The following KCNAB1 variants were observed in gnomAD, a reference collection of about 807,000 sequenced individuals.
KCNAB1 encodes voltage-gated potassium channel subunit beta-1.
KCNAB1 carries 35 observed loss-of-function variants against 64.6 expected under a neutral mutation model. That is an observed-to-expected ratio of 0.54 (90% CI 0.41 to 0.72). KCNAB1 has a LOEUF of 0.72. Among genes scored for constraint, KCNAB1 ranks in the 30% least tolerant of loss-of-function variants. KCNAB1 has a pLI of 0.00. For synonymous variants in KCNAB1, 177 were observed against 183.8 expected, an observed-to-expected ratio of 0.96 and a Z score of 0.30; for missense variants, 401 against 512.9, an observed-to-expected ratio of 0.78 and a Z score of 2.11.
intron 4 of KCNAB1, among the ~76,000 whole-genome samples, chr3:156,458,936 T>C (rs747752900): frequency 1.3e-5 from 2 of 152,224 alleles, no homozygotes; most frequent in African/African-American, 2.4e-5. Flanking sequence ...TAAGACTCAA[T>C]GCTTGTCTCT....
chr3:156,306,746 C>G (rs1005927867), intron 1 of KCNAB1, among the ~76,000 whole-genome samples: 5 of 152,226 alleles, frequency 3.3e-5, no homozygotes, highest in African/African-American at 1.2e-4. Context: ...AGTGGAGAGA[C>G]TGGATCCCCA....
At chr3:156,489,359 G>A (rs1024803433) in intron 8 of KCNAB1, among the ~76,000 whole-genome samples, 5 of 152,018 alleles carry the variant, frequency 3.3e-5, no homozygotes, top group African/African-American at 1.2e-4. Context: ...GAGGAAGAAG[G>A]GATCAACTAT....
At chr3:156,240,867 G>A (rs535690008) in intron 1 of KCNAB1, among the ~76,000 whole-genome samples, 45 of 152,266 alleles carry the variant, frequency 3.0e-4, no homozygotes, top group African/African-American at 1.0e-3. Context: ...AGTGATAAGC[G>A]GAAGAAAAGG....
At chr3:156,302,892 G>T (rs1433569441) in intron 1 of KCNAB1, among the ~76,000 whole-genome samples, 2 of 152,186 alleles carry the variant, frequency 1.3e-5, no homozygotes, top group African/African-American at 2.4e-5. Context: ...TGTAATCAGT[G>T]AGATATGGGA....
intron 1 of KCNAB1, among the ~76,000 whole-genome samples, chr3:156,251,337 C>T (rs976786020): frequency 1.3e-5 from 2 of 152,142 alleles, no homozygotes; most frequent in East Asian, 1.9e-4. Flanking sequence ...GTCCTTATTA[C>T]CAATATGTAA....
At chr3:156,455,173 C>T (rs556666622) in intron 3 of KCNAB1, among the ~76,000 whole-genome samples, 1 of 152,298 alleles carries the variant, frequency 6.6e-6, no homozygotes, top group South Asian at 2.1e-4. Flanking sequence ...AGCAAAAATG[C>T]GGACCAATAG....
At position 156,514,425 on chromosome 3, in the gene KCNAB1, G is replaced by A. The variant is rs375534582; in HGVS notation, c.720G>A (p.Ser240=). ...GCATGGCGATGTACTGGGGCACCTC[G>A]AGATGGAGTGCTATGGAGATCATGG... ...NQGMAMYWGT[S]RWSAMEIMEA... Residue 240 remains serine, a synonymous_variant, in exon 9 of 14, where the codon TCG becomes TCA. Transcript: ENST00000490337. 13 of 1,613,480 alleles carry A rather than the reference G, an allele frequency of 8.1e-6. No individual in the cohort carries two copies. The highest frequency in any genetic ancestry group is 7.7e-5 in the South Asian group (7 of 91,052).
intron 1 of KCNAB1, among the ~76,000 whole-genome samples, chr3:156,221,008 T>C (rs1715693687): frequency 6.6e-6 from 1 of 152,226 alleles, no homozygotes; most frequent in Non-Finnish European, 1.5e-5. Context: ...GTCAGTTTTG[T>C]CAAAGATCAG....
chr3:156,225,424 G>A (rs547291173), intron 1 of KCNAB1, among the ~76,000 whole-genome samples: 12 of 152,172 alleles, frequency 7.9e-5, no homozygotes, highest in African/African-American at 2.9e-4. Context: ...CAAACGTTAA[G>A]GTAATAAAAG....
intron 1 of KCNAB1, among the ~76,000 whole-genome samples, chr3:156,194,676 TC>T (rs1713780308): frequency 6.6e-6 from 1 of 152,112 alleles, no homozygotes; most frequent in African/African-American, 2.4e-5. Flanking sequence ...AATTCCCACG[TC>T]CCCCAGTTTT....
intron 1 of KCNAB1, among the ~76,000 whole-genome samples, chr3:156,405,324 T>A (rs560228141): frequency 6.6e-6 from 1 of 152,234 alleles, no homozygotes; most frequent in Non-Finnish European, 1.5e-5. Context: ...TCTTCCTGAT[T>A]GTTACTGCAG....
intron 1 of KCNAB1, among the ~76,000 whole-genome samples, chr3:156,407,562 T>A (rs1425834267): frequency 6.6e-6 from 1 of 152,238 alleles, no homozygotes; most frequent in Non-Finnish European, 1.5e-5. Flanking sequence ...CATGAATGAA[T>A]AATCAACCTT....
At chr3:156,225,327 C>T (rs1716081537) in intron 1 of KCNAB1, among the ~76,000 whole-genome samples, 1 of 152,084 alleles carries the variant, frequency 6.6e-6, no homozygotes, top group South Asian at 2.1e-4. Flanking sequence ...ATCACATGAC[C>T]TTCTCAATAG....
intron 2 of KCNAB1, 120 bp downstream of exon 2, chr3:156,421,779 C>T (rs1232966208): frequency 2.6e-6 from 2 of 757,546 alleles, no homozygotes; most frequent in African/African-American, 1.7e-5. Context: ...GCTTCCTGGC[C>T]AGTATTGCCC....
intron 1 of KCNAB1, among the ~76,000 whole-genome samples, chr3:156,152,402 C>T (rs987074494): frequency 8.5e-5 from 13 of 152,082 alleles, no homozygotes; most frequent in African/African-American, 2.7e-4. Context: ...AAGTGGCAGC[C>T]GAAGGAGAGG....
chr3:156,187,923 C>G (rs1265393071), intron 1 of KCNAB1, among the ~76,000 whole-genome samples: 2 of 152,188 alleles, frequency 1.3e-5, no homozygotes, highest in Non-Finnish European at 2.9e-5. Context: ...AATTTCACTC[C>G]TTTGTACTTC....
At chr3:156,504,744 T>G (rs1310663727) in intron 8 of KCNAB1, among the ~76,000 whole-genome samples, 7 of 130,714 alleles carry the variant, frequency 5.4e-5, no homozygotes, top group Non-Finnish European at 9.9e-5. Context: ...TTGTTTTTGT[T>G]TTTTTTGTTT....
intron 1 of KCNAB1, among the ~76,000 whole-genome samples, chr3:156,353,341 A>C (rs1014989878): frequency 1.3e-5 from 2 of 152,154 alleles, no homozygotes; most frequent in Non-Finnish European, 2.9e-5. Context: ...GTGTACAGGC[A>C]GTGGGCTAGG....
intron 7 of KCNAB1, among the ~76,000 whole-genome samples, chr3:156,469,248 CTTTTTTTTTTT>C (rs34567814): frequency 0.019 from 1,422 of 73,134 alleles, 26 homozygotes; most frequent in Middle Eastern, 0.074. Context: ...TTCTTTCTTT[CTTTTTTTTTTT>C]TTTTTTTTTT....
Sources: gnomAD v4.1 joint callset for allele counts (sites outside exome capture counted in the v4.1 genomes callset) on GRCh38, gnomAD v4.1.1 for gene constraint, MANE v1.5 for transcripts, NCBI Gene and HGNC (gene_info 2026-07-23, HGNC 2026-07-21) for gene names.